B4GALNT3: variants seen among roughly 807,000 people sequenced by gnomAD.
B4GALNT3 encodes the protein beta-1,4-N-acetylgalactosaminyltransferase 3.
A neutral mutation model predicts 120.2 loss-of-function variants in B4GALNT3; 86 were observed. That is an observed-to-expected ratio of 0.72 (90% CI 0.60 to 0.86). B4GALNT3 has a LOEUF of 0.86. Ranked by LOEUF, B4GALNT3 falls within the 40% of genes least tolerant of loss-of-function variation. B4GALNT3 has a pLI of 0.00. For synonymous variants in B4GALNT3, 518 were observed against 510.4 expected, an observed-to-expected ratio of 1.01 and a Z score of -0.20; for missense variants, 1,167 against 1,298.9, an observed-to-expected ratio of 0.90 and a Z score of 1.56.
Position 550,802 on chromosome 12 carries a change from A to G in B4GALNT3, c.998-120A>G. ...CTCCAGCTGGCAGCCTCAGCCACAG[A>G]CGTCGGCAGAACACAGCTGCCGCTT... is the stretch of plus-strand genomic sequence containing the variant. On this transcript the variant is annotated intron_variant, in intron 10 of 19. Transcript: ENST00000266383. The surrounding 1 kb of genome is among the most constrained non-coding windows in gnomAD (Gnocchi z 4.1). 2 of 782,824 alleles carry G rather than the reference A, an allele frequency of 2.6e-6. No individual in the cohort carries two copies. The highest frequency in any genetic ancestry group is 4.1e-6 in the Non-Finnish European group (2 of 486,724). 48.5% of individuals were successfully genotyped at this position (782,824 alleles called of 1,614,324 possible).
In B4GALNT3 at chr12:484,357, G is replaced by C. The variant is rs111681637; in HGVS notation, c.169+23812G>C. On this transcript the variant is annotated intron_variant, in intron 1 of 19. Coordinates refer to ENST00000266383, the MANE Select transcript of B4GALNT3 (RefSeq NM_173593.4). ...GCAAGCAATGCCATCCTGTTGGCAC[G>C]TGCCACGGTTATCTCTGGGGCCATC... Among the ~76,000 whole-genome samples the C allele has an allele frequency of 9.8e-3, 1,494 of 152,260 alleles. 24 individuals are homozygous for C. The highest frequency in any genetic ancestry group is 0.034 in the African/African-American group (1,426 of 41,522).
chr12:544,862 CTTCCCCT>C lies in B4GALNT3; in HGVS notation c.448-16_448-10del, dbSNP rs1422377442. 6.2e-7 allele frequency: 1 copy of C among 1,611,712 alleles called. No individual in the cohort carries two copies. The highest frequency in any genetic ancestry group is 1.3e-5 in the African/African-American group (1 of 74,836). On this transcript the variant is annotated splice_polypyrimidine_tract_variant and intron_variant, in intron 4 of 19. Transcript: ENST00000266383. ...TTTCCCTCTTCTGGGTAACTGTTTC[CTTCCCCT>C]TTCTTGGCATAGATTCGCACAACCC...
chr12:529,350 A>C (rs1946785419), intron 1 of B4GALNT3, among the ~76,000 whole-genome samples: 1 of 152,076 alleles, frequency 6.6e-6, no homozygotes, highest in South Asian at 2.1e-4. Context: ...TTAACCCTTT[A>C]GCTCCCTGTC....
At chr12:507,224 C>T (rs966138640) in intron 1 of B4GALNT3, among the ~76,000 whole-genome samples, 2 of 152,198 alleles carry the variant, frequency 1.3e-5, no homozygotes, top group African/African-American at 2.4e-5. Flanking sequence ...CAGATTTAAG[C>T]GTTTTTTTGA....
chr12:543,307 A>G, intron 3 of B4GALNT3: 1 of 927,496 alleles, frequency 1.1e-6, no homozygotes, highest in South Asian at 1.4e-5. Context: ...AGCCTCCCGG[A>G]GCTGAGGAGC....
At chr12:549,533 G>A (rs35347302) in intron 9 of B4GALNT3, among the ~76,000 whole-genome samples, 31,257 of 152,202 alleles carry the variant, frequency 0.21, 3,379 homozygotes, top group Non-Finnish European at 0.24. Flanking sequence ...GTCTTTTTCC[G>A]AGTACGCAAC....
chr12:463,363 C>G (rs930267415), intron 1 of B4GALNT3, among the ~76,000 whole-genome samples: 11 of 151,464 alleles, frequency 7.3e-5, no homozygotes, highest in African/African-American at 2.4e-5. Context: ...GAAGGAGATA[C>G]AACCACAACT....
chr12:529,097 T>TA lies in B4GALNT3; in HGVS notation c.170-6068dup, dbSNP rs578049612. 9.7e-4 allele frequency among the ~76,000 whole-genome samples: 147 copies of TA among 152,248 alleles called. 1 individual carries two copies. The highest frequency in any genetic ancestry group is 1.9e-3 in the Non-Finnish European group (128 of 67,998). ...CTCCCTCGCTTTCCTAGGGCCCTGG[T>TA]AGGGCCCGTCCTTCCCCTCTTGCAT... On this transcript the variant is annotated intron_variant, in intron 1 of 19. Coordinates refer to ENST00000266383, the MANE Select transcript of B4GALNT3 (RefSeq NM_173593.4).
intron 1 of B4GALNT3, among the ~76,000 whole-genome samples, chr12:472,735 C>T (rs1165448913): frequency 6.6e-6 from 1 of 151,884 alleles, no homozygotes; most frequent in African/African-American, 2.4e-5. Context: ...CCGCGCCCGA[C>T]CTATGCCTGC....
At chr12:487,281 G>C (rs1489945560) in intron 1 of B4GALNT3, among the ~76,000 whole-genome samples, 3 of 152,184 alleles carry the variant, frequency 2.0e-5, no homozygotes, top group Non-Finnish European at 4.4e-5. Context: ...GCAACTGACA[G>C]TTTTCCCCAA....
chr12:501,295 A>G (rs1946442136), intron 1 of B4GALNT3, among the ~76,000 whole-genome samples: 1 of 152,142 alleles, frequency 6.6e-6, no homozygotes, highest in African/African-American at 2.4e-5. Context: ...ACTAAAACTA[A>G]TCTATTTGCA....
chr12:561,538 TG>T lies in B4GALNT3; in HGVS notation c.*91del. The T allele has an allele frequency of 9.0e-7, 1 of 1,106,456 alleles. No homozygotes were observed. 68.5% of individuals were successfully genotyped at this position (1,106,456 alleles called of 1,614,324 possible). On this transcript the variant is annotated 3_prime_UTR_variant, in exon 20 of 20. Transcript: ENST00000266383. ...CCTGCTACTGTTCAGGGATGGGGAG[TG>T]GGGTGACGGCTGGACCCCAAGAGGC...
At chr12:527,003 A>G (rs1592042216) in intron 1 of B4GALNT3, among the ~76,000 whole-genome samples, 3 of 152,188 alleles carry the variant, frequency 2.0e-5, no homozygotes, top group East Asian at 3.9e-4. Flanking sequence ...CTTGTGGCTC[A>G]TTGCAGCCTC....
At chr12:488,904 A>T (rs1946315447) in intron 1 of B4GALNT3, among the ~76,000 whole-genome samples, 1 of 152,094 alleles carries the variant, frequency 6.6e-6, no homozygotes, top group Admixed American at 6.5e-5. Context: ...AAAAAAAAAA[A>T]AGTATAACTG....
intron 13 of B4GALNT3, chr12:552,977 G>C (rs1947102411): frequency 1.1e-5 from 7 of 633,388 alleles, no homozygotes; most frequent in Admixed American, 3.0e-5. Context: ...AAACCCATGA[G>C]AGATGCAGTA....
rs762032000 is a variant in B4GALNT3, at chr12:511,013, CTTTTTTTTTTTTTT to C, written c.170-24124_170-24111del. ...TTTGGTCTCTATGGATTTGCCTATTCTTTTTTTTTTTTTTTTTTTTTTTTTTTTTTTTTTTTTTT... is the reference window on the plus strand; with the variant it reads ...TTTGGTCTCTATGGATTTGCCTATTCTTTTTTTTTTTTTTTTTTTTTTTTT... On this transcript the variant is annotated intron_variant, in intron 1 of 19. Transcript: ENST00000266383. Among the ~76,000 whole-genome samples the C allele has an allele frequency of 2.5e-3, 111 of 43,856 alleles. 1 individual carries two copies. Among genetic ancestry groups the C allele is most frequent in the African/African-American group, 5.9e-3 (72 of 12,272 alleles). 28.8% of individuals were successfully genotyped at this position (43,856 alleles called of 152,430 possible).
chr12:530,853 C>T (rs1318645647), intron 1 of B4GALNT3, among the ~76,000 whole-genome samples: 4 of 152,120 alleles, frequency 2.6e-5, no homozygotes, highest in Non-Finnish European at 5.9e-5. Flanking sequence ...GGCAAAGCTC[C>T]GGCTGATGGT....
chr12:518,706 A>G (rs1160913432), intron 1 of B4GALNT3, among the ~76,000 whole-genome samples: 1 of 152,178 alleles, frequency 6.6e-6, no homozygotes, highest in African/African-American at 2.4e-5. Flanking sequence ...AGCCCCTCCC[A>G]TATACTTTAA....
Position 553,670 on chromosome 12 carries a change from C to G in B4GALNT3, c.1747C>G (p.Pro583Ala). 1 of 1,614,016 alleles carries G rather than the reference C, an allele frequency of 6.2e-7. No homozygotes were observed. The highest frequency in any genetic ancestry group is 8.5e-7 in the Non-Finnish European group (1 of 1,179,938). Residue 583 changes from proline (P) to alanine (A), a missense_variant, in exon 14 of 20, where the codon CCT becomes GCT. Physicochemically the swap from Pro to Ala is conservative, Grantham distance 27. This residue lies in a region of B4GALNT3 where 983 missense variants were observed against 1,102.5 expected (regional missense o/e 0.89). Coordinates refer to ENST00000266383, the MANE Select transcript of B4GALNT3 (RefSeq NM_173593.4). ...GGGTGACAGGATGCGGCCTCAGGCC[C>G]CTGGAAGGGGCTGGCATGGGGAGGA... ...RRGDRMRPQA[P>A]GRGWHGEEEV...
Sources: allele counts gnomAD v4.1 joint callset (sites outside exome capture counted in the v4.1 genomes callset), GRCh38; gene constraint gnomAD v4.1.1; regional missense constraint gnomAD v4.1.1; non-coding constraint Gnocchi (gnomAD v3.1); transcripts MANE v1.5; gene names NCBI Gene and HGNC (gene_info 2026-07-23, HGNC 2026-07-21).